Variants in CMIP observed in about 807,000 individuals in gnomAD.
The protein encoded by CMIP is C-Maf-inducing protein.
In CMIP, 13 loss-of-function variants were observed where a neutral mutation model predicts 97.3. The ratio of observed to expected loss-of-function variants is 0.13; its 90% CI spans 0.09 to 0.21. CMIP has a LOEUF of 0.21. Among genes scored for constraint, CMIP ranks in the 10% least tolerant of loss-of-function variants. The pLI is 1.00. For synonymous variants in CMIP, 538 were observed against 436.3 expected (o/e 1.23, Z -2.91); for missense variants, 847 against 1,024.9 (o/e 0.83, Z 2.37).
At chr16:81,445,689 C>T (rs1015254756) in intron 1 of CMIP, 148 bp downstream of exon 1, 25 of 906,400 alleles carry the variant, frequency 2.8e-5, no homozygotes, top group South Asian at 1.9e-4. Flanking sequence ...GGGCGCCTCG[C>T]TCCTGGCCTG....
intron 5 of CMIP, among the ~76,000 whole-genome samples, chr16:81,660,169 G>C (rs184613276): frequency 6.1e-4 from 93 of 152,232 alleles, no homozygotes; most frequent in Admixed American, 6.0e-3. Context: ...GCTGAATCTA[G>C]GTTCAAGTTC....
intron 1 of CMIP, among the ~76,000 whole-genome samples, chr16:81,585,457 G>A (rs2091365925): frequency 6.6e-6 from 1 of 152,164 alleles, no homozygotes; most frequent in Non-Finnish European, 1.5e-5. Flanking sequence ...GGAAACCCGT[G>A]CCCATCAGCA....
chr16:81,635,713 A>G (rs2092225487), intron 3 of CMIP, among the ~76,000 whole-genome samples: 1 of 152,180 alleles, frequency 6.6e-6, no homozygotes, highest in African/African-American at 2.4e-5. Flanking sequence ...GCGTCTGCAA[A>G]CGATCTGGCC....
At chr16:81,451,925 A>C (rs1490484322) in intron 1 of CMIP, among the ~76,000 whole-genome samples, 1 of 152,230 alleles carries the variant, frequency 6.6e-6, no homozygotes. Context: ...AGTGTATTCA[A>C]CAGGCACCGA....
chr16:81,629,211 C>T (rs568523290), intron 3 of CMIP, among the ~76,000 whole-genome samples: 2 of 148,682 alleles, frequency 1.3e-5, no homozygotes, highest in Middle Eastern at 3.5e-3. Context: ...CTGTTTCTCA[C>T]GCAGAAGGGC....
chr16:81,688,578 C>A (rs985779685), intron 10 of CMIP, among the ~76,000 whole-genome samples: 11 of 152,180 alleles, frequency 7.2e-5, no homozygotes, highest in Admixed American at 7.2e-4. Context: ...CCCTTAGCAT[C>A]CTGCAGTGTG....
At chr16:81,514,775 C>T (rs946075828) in intron 1 of CMIP, among the ~76,000 whole-genome samples, 5 of 152,142 alleles carry the variant, frequency 3.3e-5, no homozygotes, top group African/African-American at 1.2e-4. Context: ...TCCTGCTTCC[C>T]AGGGTGGTTG....
At chr16:81,684,912 C>T (rs1298873385) in intron 10 of CMIP, among the ~76,000 whole-genome samples, 2 of 152,254 alleles carry the variant, frequency 1.3e-5, no homozygotes, top group Non-Finnish European at 2.9e-5. Context: ...TGGGAGACTG[C>T]CCCAGTGGCC....
At chr16:81,530,613 T>G (rs569332226) in intron 1 of CMIP, among the ~76,000 whole-genome samples, 4 of 152,056 alleles carry the variant, frequency 2.6e-5, no homozygotes, top group Non-Finnish European at 5.9e-5. Flanking sequence ...TCCTCACCGC[T>G]TCCCAAGGCA....
At chr16:81,680,337 G>A (rs765588860) in intron 10 of CMIP, among the ~76,000 whole-genome samples, 1 of 152,252 alleles carries the variant, frequency 6.6e-6, no homozygotes, top group Admixed American at 6.5e-5. Context: ...GGCCTGGTGA[G>A]CTGGAGAAAT....
chr16:81,507,886 C>A (rs1456602969), intron 1 of CMIP, among the ~76,000 whole-genome samples: 1 of 152,180 alleles, frequency 6.6e-6, no homozygotes, highest in Non-Finnish European at 1.5e-5. Flanking sequence ...GGTGTGAGTC[C>A]CATTGCTGCC....
At chr16:81,628,557 A>C (rs183266549) in intron 3 of CMIP, among the ~76,000 whole-genome samples, 5 of 152,206 alleles carry the variant, frequency 3.3e-5, no homozygotes, top group Non-Finnish European at 7.3e-5. Flanking sequence ...CACTCACTCA[A>C]GGTCACACAG....
At chr16:81,548,099 C>G (rs905071571) in intron 1 of CMIP, among the ~76,000 whole-genome samples, 1 of 151,232 alleles carries the variant, frequency 6.6e-6, no homozygotes, top group Non-Finnish European at 1.5e-5. Context: ...ATTTTTCAGC[C>G]TCAGCTCTAC....
chr16:81,670,264 G>A lies in CMIP; in HGVS notation c.929+19G>A, dbSNP rs187406914. ...TTCAGAGGTGGGTCTCCGGCGCGAC[G>A]TCCCTCTGTGGCCTAGGAGCCACTT... On this transcript the variant is annotated intron_variant, in intron 8 of 20. Coordinates refer to ENST00000537098, the MANE Select transcript of CMIP (RefSeq NM_198390.3). 15 of 1,592,876 alleles carry A rather than the reference G, an allele frequency of 9.4e-6. No homozygotes were observed. Among genetic ancestry groups the A allele is most frequent in the East Asian group, 4.6e-5 (2 of 43,892 alleles).
At chr16:81,579,750 C>T (rs554612612) in intron 1 of CMIP, among the ~76,000 whole-genome samples, 107 of 152,260 alleles carry the variant, frequency 7.0e-4, no homozygotes, top group Admixed American at 2.0e-3. Flanking sequence ...GTCAGGAGAT[C>T]GAGACCATCC....
chr16:81,632,618 A>G (rs988022186), intron 3 of CMIP, among the ~76,000 whole-genome samples: 3 of 152,236 alleles, frequency 2.0e-5, no homozygotes, highest in Non-Finnish European at 4.4e-5. Context: ...AGCATCTACT[A>G]TCCACAGGCC....
rs529789696 is a variant in CMIP at position 81,605,871 on chromosome 16, G to A, written c.301-1696G>A. Among the ~76,000 whole-genome samples, 9 of 152,324 alleles carry A rather than the reference G, an allele frequency of 5.9e-5. No individual in the cohort carries two copies. The East Asian group carries it at 7.7e-4, about 13-fold the overall frequency. On this transcript the variant is annotated intron_variant, in intron 1 of 20. Transcript: ENST00000537098. ...CCTAGCATGGCGCCTGCAGCATAACGGAAGTTCAGTAAATGTCTGTCAGAT... is the reference window on the plus strand; with the variant it reads ...CCTAGCATGGCGCCTGCAGCATAACAGAAGTTCAGTAAATGTCTGTCAGAT...
intron 1 of CMIP, among the ~76,000 whole-genome samples, chr16:81,471,416 ATACATG>A (rs1291186359): frequency 3.6e-5 from 3 of 82,216 alleles, no homozygotes; most frequent in African/African-American, 1.0e-4. Flanking sequence ...GCATACACAC[ATACATG>A]TACATGCACA....
intron 5 of CMIP, among the ~76,000 whole-genome samples, chr16:81,658,614 C>T (rs988102321): frequency 6.6e-6 from 1 of 152,184 alleles, no homozygotes; most frequent in African/African-American, 2.4e-5. Context: ...ATAAAAGCAT[C>T]CCAGAGAGAA....
Sources: allele counts gnomAD v4.1 joint callset (sites outside exome capture counted in the v4.1 genomes callset), GRCh38; gene constraint gnomAD v4.1.1; transcripts MANE v1.5; gene names NCBI Gene and HGNC (gene_info 2026-07-23, HGNC 2026-07-21).